DCC: variants seen among roughly 807,000 people sequenced by gnomAD.
DCC encodes the protein DCC netrin 1 receptor.
A neutral mutation model predicts 172.5 loss-of-function variants in DCC; 58 were observed. The ratio of observed to expected loss-of-function variants is 0.34; its 90% CI spans 0.27 to 0.42. DCC has a LOEUF of 0.42. Ranked by LOEUF, DCC falls within the 10% of genes least tolerant of loss-of-function variation. DCC has a pLI of 1.00. For synonymous variants in DCC, 709 were observed against 644.5 expected, an observed-to-expected ratio of 1.10 and a Z score of -1.52; for missense variants, 1,740 against 1,791.0, an observed-to-expected ratio of 0.97 and a Z score of 0.51.
At chr18:53,103,310 A>G (rs1347722272) in intron 7 of DCC, among the ~76,000 whole-genome samples, 5 of 152,104 alleles carry the variant, frequency 3.3e-5, no homozygotes, top group Non-Finnish European at 4.4e-5. Context: ...TCAAAAGAAT[A>G]GGGGAACACA....
intron 1 of DCC, among the ~76,000 whole-genome samples, chr18:52,474,638 C>A (rs776198732): frequency 6.6e-6 from 1 of 152,176 alleles, no homozygotes; most frequent in Non-Finnish European, 1.5e-5. Flanking sequence ...CCATTCTGAA[C>A]AGTGATTCCT....
chr18:53,385,392 T>C (rs553023673), intron 15 of DCC, among the ~76,000 whole-genome samples: 56 of 152,344 alleles, frequency 3.7e-4, no homozygotes, highest in African/African-American at 1.3e-3. Context: ...CAGCTCTGGA[T>C]ACAGACTGAA....
In DCC at chr18:53,158,298, T is replaced by C. The variant is rs914028217; in HGVS notation, c.1418+786T>C. On this transcript the variant is annotated intron_variant, in intron 8 of 28. Transcript: ENST00000442544. ...ACTAAGCAAAAGTGAGCTGTACATA[T>C]CTGGTTTCAAGATTACAATCCATTG... Among the ~76,000 whole-genome samples the C allele has an allele frequency of 4.6e-5, 7 of 152,212 alleles. 1 individual carries two copies. Among genetic ancestry groups the C allele is most frequent in the Non-Finnish European group, 4.4e-5 (3 of 68,036 alleles).
At chr18:53,383,741 T>C (rs11664978) in intron 15 of DCC, among the ~76,000 whole-genome samples, 64,280 of 151,320 alleles carry the variant, frequency 0.42, 15,428 homozygotes, top group Non-Finnish European at 0.55. Context: ...TTCAAACTTA[T>C]TTTTCCAATT....
At chr18:52,612,266 G>A (rs1162177317) in intron 1 of DCC, among the ~76,000 whole-genome samples, 2 of 152,020 alleles carry the variant, frequency 1.3e-5, no homozygotes, top group Non-Finnish European at 2.9e-5. Flanking sequence ...CCAGAAACGT[G>A]GGGTTCTTGC....
chr18:53,277,901 A>G (rs1447974598), intron 12 of DCC, among the ~76,000 whole-genome samples: 1 of 152,200 alleles, frequency 6.6e-6, no homozygotes, highest in African/African-American at 2.4e-5. Context: ...GATTCCAGGG[A>G]AAAAGAAAAT....
intron 2 of DCC, among the ~76,000 whole-genome samples, chr18:52,859,592 A>G (rs780266163): frequency 7.2e-5 from 11 of 152,136 alleles, no homozygotes; most frequent in Admixed American, 1.3e-4. Flanking sequence ...TAGATGGTGA[A>G]TGTTTCTTTA....
Position 52,464,771 on chromosome 18 carries a change from C to T in DCC, c.91+123893C>T, listed in dbSNP as rs921552152. On this transcript the variant is annotated intron_variant, in intron 1 of 28. Coordinates refer to ENST00000442544, the MANE Select transcript of DCC (RefSeq NM_005215.4). ...TGTTTTGTTGGTTTTTTTTTTCTCC[C>T]CATGGGAAATTTCATTTATTATACT... Among the ~76,000 whole-genome samples, 10 of 151,792 alleles carry T rather than the reference C, an allele frequency of 6.6e-5. No individual in the cohort carries two copies. The East Asian group carries it at 1.6e-3, about 24-fold the overall frequency.
At chr18:53,125,698 G>C (rs887525511) in intron 7 of DCC, among the ~76,000 whole-genome samples, 8 of 152,042 alleles carry the variant, frequency 5.3e-5, no homozygotes, top group Non-Finnish European at 1.2e-4. Context: ...TGGAGCACCA[G>C]GCATTAGACC....
chr18:52,480,500 C>A (rs913792210), intron 1 of DCC, among the ~76,000 whole-genome samples: 1 of 152,154 alleles, frequency 6.6e-6, no homozygotes, highest in Non-Finnish European at 1.5e-5. Context: ...TCTATCAACA[C>A]AAGTGTCCCA....
At chr18:53,115,237 A>C (rs1288047592) in intron 7 of DCC, among the ~76,000 whole-genome samples, 1 of 151,616 alleles carries the variant, frequency 6.6e-6, no homozygotes, top group Non-Finnish European at 1.5e-5. Flanking sequence ...TGGGAGATGA[A>C]CTAAAATCTT....
At chr18:53,522,130 T>C (rs2046405308) in intron 27 of DCC, among the ~76,000 whole-genome samples, 2 of 152,146 alleles carry the variant, frequency 1.3e-5, no homozygotes, top group Admixed American at 1.3e-4. Context: ...TTTTAAACTT[T>C]ATGCCTTCAC....
intron 1 of DCC, among the ~76,000 whole-genome samples, chr18:52,362,863 C>T (rs1432523729): frequency 1.3e-5 from 2 of 152,006 alleles, no homozygotes; most frequent in Admixed American, 6.6e-5. Context: ...ATCTTTCTTT[C>T]GTTCATTCAT....
chr18:53,104,524 ACTTCTT>A (rs560444142), intron 7 of DCC, among the ~76,000 whole-genome samples: 2 of 151,722 alleles, frequency 1.3e-5, no homozygotes, highest in Non-Finnish European at 2.9e-5. Context: ...GTCCATTAAA[ACTTCTT>A]CTTCTTCTTC....
At chr18:52,975,341 T>C (rs371687676) in intron 5 of DCC, among the ~76,000 whole-genome samples, 2 of 152,294 alleles carry the variant, frequency 1.3e-5, no homozygotes, top group African/African-American at 4.8e-5. Context: ...ACAGTCCTGT[T>C]GAATTAGGAC....
intron 1 of DCC, among the ~76,000 whole-genome samples, chr18:52,406,677 A>G (rs1299327589): frequency 6.6e-6 from 1 of 152,100 alleles, no homozygotes; most frequent in Non-Finnish European, 1.5e-5. Flanking sequence ...TCTCTCTGTT[A>G]CAACTTGTAT....
At chr18:52,614,567 C>T (rs377009639) in intron 1 of DCC, among the ~76,000 whole-genome samples, 3 of 152,082 alleles carry the variant, frequency 2.0e-5, no homozygotes, top group African/African-American at 4.8e-5. Flanking sequence ...TTATCATGCA[C>T]CTTGAGGATA....
At chr18:52,366,055 G>T (rs566429786) in intron 1 of DCC, among the ~76,000 whole-genome samples, 7 of 152,208 alleles carry the variant, frequency 4.6e-5, no homozygotes, top group Admixed American at 2.0e-4. Context: ...TGAATTTTAT[G>T]CATTTTACAA....
intron 1 of DCC, among the ~76,000 whole-genome samples, chr18:52,634,524 G>A (rs1401490506): frequency 6.6e-6 from 1 of 152,158 alleles, no homozygotes; most frequent in African/African-American, 2.4e-5. Context: ...AAAAATATTA[G>A]CATGTATACG....
Sources: allele counts gnomAD v4.1 joint callset (sites outside exome capture counted in the v4.1 genomes callset), GRCh38; gene constraint gnomAD v4.1.1; transcripts MANE v1.5; gene names NCBI Gene and HGNC (gene_info 2026-07-23, HGNC 2026-07-21).